Variants in SMARCA2 observed in about 807,000 individuals in gnomAD.
SMARCA2 encodes SWI/SNF-related matrix-associated actin-dependent regulator of chromatin subfamily A member 2.
Under a neutral mutation model 199.8 loss-of-function variants are expected in SMARCA2, and 61 were observed. That is an observed-to-expected ratio of 0.31 (90% CI 0.25 to 0.38). SMARCA2 has a LOEUF of 0.38. Among genes scored for constraint, SMARCA2 ranks in the 10% least tolerant of loss-of-function variants. SMARCA2 has a pLI of 1.00. For missense variants in SMARCA2, 1,344 were observed against 2,012.2 expected (o/e 0.67, Z 6.35); for synonymous variants, 935 against 732.0 (o/e 1.28, Z -4.48).
chr9:2,025,078 T>C (rs551276810), intron 1 of SMARCA2, among the ~76,000 whole-genome samples: 1 of 129,530 alleles, frequency 7.7e-6, no homozygotes, highest in African/African-American at 3.8e-5. Context: ...GCCTTTCAGC[T>C]AAGGGCAGAG....
intron 26 of SMARCA2, among the ~76,000 whole-genome samples, chr9:2,122,937 C>A (rs1485447875): frequency 2.6e-5 from 4 of 152,012 alleles, no homozygotes; most frequent in Admixed American, 2.0e-4. Context: ...TACAAGTGAA[C>A]TGGATTATTA....
At chr9:2,094,595 C>T (rs1183137609) in intron 19 of SMARCA2, among the ~76,000 whole-genome samples, 5 of 152,200 alleles carry the variant, frequency 3.3e-5, no homozygotes, top group Non-Finnish European at 5.9e-5. Flanking sequence ...TCTCCTCAGT[C>T]GTCCTAACGT....
At chr9:2,101,692 TC>T in intron 22 of SMARCA2, 76 bp downstream of exon 22, 2 of 738,704 alleles carry the variant, frequency 2.7e-6, no homozygotes. Context: ...CTACAGTGTT[TC>T]CTCTTGTGCA....
chr9:2,126,556 C>T (rs148927638), intron 27 of SMARCA2, among the ~76,000 whole-genome samples: 1 of 152,266 alleles, frequency 6.6e-6, no homozygotes, highest in South Asian at 2.1e-4. Flanking sequence ...ATGTTCTCTA[C>T]TGGCTTATGA....
intron 3 of SMARCA2, 193 bp downstream of exon 3, chr9:2,033,274 C>T (rs566746931): frequency 1.1e-5 from 6 of 549,906 alleles, no homozygotes; most frequent in South Asian, 2.7e-5. Context: ...ATTTTATTTC[C>T]GAAGTCCTAG....
intron 4 of SMARCA2, chr9:2,041,085 C>G (rs1261086786): frequency 3.1e-6 from 1 of 327,750 alleles, no homozygotes; most frequent in Non-Finnish European, 5.5e-6. Flanking sequence ...GGTACTGTTC[C>G]TGGGTTTTGG....
chr9:2,086,845 T>C lies in SMARCA2; in HGVS notation c.2543T>C (p.Met848Thr). The change falls in exon 18 of 34, where the codon ATG becomes ACG. Residue 848 changes from methionine to threonine, a missense_variant. By Grantham distance (81) the Met-to-Thr change is moderately conservative. Transcript: ENST00000349721. The surrounding 1 kb of genome is among the most constrained non-coding windows in gnomAD (Gnocchi z 4.3). Reference sequence around the variant, plus strand: ...GTGTTATAGATTCGGTGGAAATACATGATAGTGGACGAAGGCCACCGAATG... The same window carrying C: ...GTGTTATAGATTCGGTGGAAATACACGATAGTGGACGAAGGCCACCGAATG... ...HILAKIRWKY[M>T]IVDEGHRMKN... 6.2e-7 allele frequency: 1 copy of C among 1,614,090 alleles called. No individual in the cohort carries two copies. The highest frequency in any genetic ancestry group is 8.5e-7 in the Non-Finnish European group (1 of 1,179,978).
Position 2,157,094 on chromosome 9 carries a change from G to A in SMARCA2, c.3982-4592G>A, listed in dbSNP as rs147862066. ...AAAGTGCTACAGTATGCATTAAACC[G>A]ATTAAAATAACGTAGCATCTTTGAG... On this transcript the variant is annotated intron_variant, in intron 27 of 33. Coordinates refer to ENST00000349721, the MANE Select transcript of SMARCA2 (RefSeq NM_003070.5). Among the ~76,000 whole-genome samples the A allele has an allele frequency of 3.3e-5, 5 of 152,234 alleles. No individual in the cohort carries two copies. The East Asian group carries it at 9.6e-4, about 29-fold the overall frequency.
At chr9:2,158,701 G>A in intron 27 of SMARCA2, 2 of 387,658 alleles carry the variant, frequency 5.2e-6, no homozygotes, top group Admixed American at 4.4e-5. Flanking sequence ...GTTTGAGTCA[G>A]TTGAGCCAGT....
At chr9:2,051,265 A>G (rs929483303) in intron 5 of SMARCA2, among the ~76,000 whole-genome samples, 1 of 152,186 alleles carries the variant, frequency 6.6e-6, no homozygotes, top group African/African-American at 2.4e-5. Flanking sequence ...CTCTTCTCCT[A>G]GAGTTTGCGC....
At position 2,193,394 on chromosome 9, in the gene SMARCA2, C is replaced by CTATTGAATATTG. The variant is rs2130032060; in HGVS notation, c.*656_*667dup. 6.5e-6 allele frequency: 1 copy of CTATTGAATATTG among 152,730 alleles called. No homozygotes were observed. Among genetic ancestry groups the CTATTGAATATTG allele is most frequent in the East Asian group, 1.9e-4 (1 of 5,186 alleles). 9.5% of individuals were successfully genotyped at this position (152,730 alleles called of 1,614,324 possible). A position where few individuals can be genotyped will look rare whatever the true frequency, so the allele number is the denominator to read the frequency against. The stretch of plus-strand genomic sequence containing the variant: ...TTAAAAAAAAGTTTTGTTGAAAGCG[C>CTATTGAATATTG]TATTGAATATTGCAATCTATATAGT... On this transcript the variant is annotated 3_prime_UTR_variant, in exon 34 of 34. Coordinates refer to ENST00000349721, the MANE Select transcript of SMARCA2 (RefSeq NM_003070.5).
chr9:2,077,888 A>C, intron 14 of SMARCA2, 112 bp downstream of exon 14: 2 of 894,578 alleles, frequency 2.2e-6, no homozygotes, highest in Non-Finnish European at 3.5e-6. Flanking sequence ...TTTAGGCCAC[A>C]TCACTTATAA....
At chr9:2,018,165 G>T (rs1818444851) in intron 1 of SMARCA2, 2 of 152,260 alleles carry the variant, frequency 1.3e-5, no homozygotes, top group Admixed American at 1.3e-4. Flanking sequence ...CTTGCTAGGC[G>T]TTTGGATTTT....
rs566867889 is a variant in SMARCA2 at position 2,032,745 on chromosome 9, A to C, written c.226-207A>C. The C allele has an allele frequency of 1.0e-4, 43 of 416,258 alleles. No individual in the cohort carries two copies. In the South Asian group the frequency reaches 1.7e-3, roughly 16 times the overall value. 25.8% of individuals were successfully genotyped at this position (416,258 alleles called of 1,614,324 possible). Reference sequence around the variant, plus strand: ...ACAAACAAACAAACAAACAAACAAAAAAACAACCCTCCACTGTTTAAAGAC... The same window carrying C: ...ACAAACAAACAAACAAACAAACAAACAAACAACCCTCCACTGTTTAAAGAC... On this transcript the variant is annotated intron_variant, in intron 2 of 33. Coordinates refer to ENST00000349721, the MANE Select transcript of SMARCA2 (RefSeq NM_003070.5).
At chr9:2,143,257 T>G (rs1219739623) in intron 27 of SMARCA2, among the ~76,000 whole-genome samples, 1 of 152,192 alleles carries the variant, frequency 6.6e-6, no homozygotes, top group African/African-American at 2.4e-5. Flanking sequence ...CCCTGCTTAC[T>G]GTGACTGTGT....
chr9:2,182,120 T>C (rs1827076876), intron 30 of SMARCA2, 21 bp from the exon 31 acceptor site: 1 of 1,496,046 alleles, frequency 6.7e-7, no homozygotes, highest in East Asian at 2.3e-5. Flanking sequence ...TTTTCTCCAT[T>C]TTCTCCAAAA....
chr9:2,138,048 T>C (rs528079620), intron 27 of SMARCA2, among the ~76,000 whole-genome samples: 164 of 152,302 alleles, frequency 1.1e-3, no homozygotes, highest in African/African-American at 3.7e-3. Flanking sequence ...AACATATTAA[T>C]GAAGATTTAA....
At chr9:2,098,678 C>A (rs1327532812) in intron 21 of SMARCA2, among the ~76,000 whole-genome samples, 6 of 152,088 alleles carry the variant, frequency 3.9e-5, no homozygotes, top group Non-Finnish European at 7.4e-5. Context: ...GTGCAGGGGG[C>A]TCACCCCTGT....
rs532011696 is a variant in SMARCA2 at position 2,119,582 on chromosome 9, C to T, written c.3762+47C>T. ...AACACAAATGCTTTATACCTCTGCC[C>T]CTTTTTCTGTTAAGCAGAATGTCTG... On this transcript the variant is annotated intron_variant, in intron 26 of 33. Transcript: ENST00000349721. The surrounding 1 kb of genome is among the most constrained non-coding windows in gnomAD (Gnocchi z 4.6). The T allele has an allele frequency of 4.6e-4, 599 of 1,302,234 alleles. 10 individuals carry two copies. The South Asian group carries it at 6.3e-3, about 14-fold the overall frequency. 80.7% of individuals were successfully genotyped at this position (1,302,234 alleles called of 1,614,324 possible).
Sources: gnomAD v4.1 joint callset for allele counts (sites outside exome capture counted in the v4.1 genomes callset) on GRCh38, gnomAD v4.1.1 for gene constraint, Gnocchi (gnomAD v3.1) non-coding constraint, MANE v1.5 for transcripts, NCBI Gene and HGNC (gene_info 2026-07-23, HGNC 2026-07-21) for gene names.